The following ESRRG variants were observed in gnomAD, a reference collection of about 807,000 sequenced individuals.
The protein encoded by ESRRG is estrogen-related receptor gamma.
In ESRRG, 13 loss-of-function variants were observed where a neutral mutation model predicts 44.0. The ratio of observed to expected loss-of-function variants is 0.30; its 90% CI spans 0.19 to 0.47. ESRRG has a LOEUF of 0.47. Among genes scored for constraint, ESRRG ranks in the 20% least tolerant of loss-of-function variants. The pLI is 1.00. For missense variants in ESRRG, 395 were observed against 580.6 expected, an observed-to-expected ratio of 0.68 and a Z score of 3.29; for synonymous variants, 215 against 214.6, an observed-to-expected ratio of 1.00 and a Z score of -0.02.
Position 217,120,483 on chromosome 1 carries a change from G to A in ESRRG, c.-230+17184C>T, listed in dbSNP as rs550371398. Among the ~76,000 whole-genome samples, 24 of 150,612 alleles carry A rather than the reference G, an allele frequency of 1.6e-4. 1 individual carries two copies. The South Asian group carries it at 5.0e-3, about 32-fold the overall frequency. ...CTCTTCCAAAAAAAAAAAAAAATCTGATCATGTCTTCTCTATCTCATTTAA... is the reference window on the plus strand; with the variant it reads ...CTCTTCCAAAAAAAAAAAAAAATCTAATCATGTCTTCTCTATCTCATTTAA... On this transcript the variant is annotated intron_variant, in intron 1 of 8. Coordinates refer to the ESRRG transcript ENST00000366940.
intron 1 of ESRRG, among the ~76,000 whole-genome samples, chr1:217,025,679 AAC>A (rs1461911617): frequency 1.3e-5 from 2 of 152,146 alleles, no homozygotes; most frequent in Non-Finnish European, 2.9e-5. Flanking sequence ...TATGGGTCCA[AAC>A]ACAGCCCCTA....
intron 1 of ESRRG, among the ~76,000 whole-genome samples, chr1:217,007,585 G>A (rs1390350577): frequency 6.6e-6 from 1 of 152,108 alleles, no homozygotes; most frequent in African/African-American, 2.4e-5. Flanking sequence ...CTTCAGTCTT[G>A]TAAATATCAT....
chr1:216,972,559 C>T (rs775692295), intron 1 of ESRRG, among the ~76,000 whole-genome samples: 1 of 152,188 alleles, frequency 6.6e-6, no homozygotes, highest in Non-Finnish European at 1.5e-5. Flanking sequence ...GTCACATTGA[C>T]TCTGCTCATC....
At chr1:216,698,902 G>A (rs1272874844) in intron 1 of ESRRG, among the ~76,000 whole-genome samples, 1 of 152,176 alleles carries the variant, frequency 6.6e-6, no homozygotes, top group Non-Finnish European at 1.5e-5. Flanking sequence ...ACGCCCACAT[G>A]TACATATTTC....
At chr1:216,747,782 T>C (rs1414810737) in intron 2 of ESRRG, among the ~76,000 whole-genome samples, 1 of 152,174 alleles carries the variant, frequency 6.6e-6, no homozygotes, top group Admixed American at 6.5e-5. Flanking sequence ...TATTCAAACC[T>C]TAAAATATTA....
intron 3 of ESRRG, among the ~76,000 whole-genome samples, chr1:216,600,183 G>C (rs1174201170): frequency 6.6e-6 from 1 of 152,172 alleles, no homozygotes; most frequent in Non-Finnish European, 1.5e-5. Context: ...GCCGGGGGTT[G>C]GGGAAGGGAA....
At chr1:217,031,318 G>A (rs2082029232) in intron 1 of ESRRG, among the ~76,000 whole-genome samples, 1 of 152,156 alleles carries the variant, frequency 6.6e-6, no homozygotes, top group South Asian at 2.1e-4. Flanking sequence ...CATGCACTGA[G>A]AGAGAATTCC....
chr1:216,788,586 T>C (rs1284141732), intron 2 of ESRRG, among the ~76,000 whole-genome samples: 1 of 152,168 alleles, frequency 6.6e-6, no homozygotes, highest in African/African-American at 2.4e-5. Context: ...GTTGTCTTCA[T>C]GTCTGCCAAC....
At chr1:217,049,370 G>T (rs1432217588) in intron 1 of ESRRG, among the ~76,000 whole-genome samples, 1 of 152,134 alleles carries the variant, frequency 6.6e-6, no homozygotes, top group African/African-American at 2.4e-5. Context: ...CCATCTCACT[G>T]AATTGCTATC....
chr1:216,631,257 C>G (rs1169423401), intron 3 of ESRRG, among the ~76,000 whole-genome samples: 1 of 152,090 alleles, frequency 6.6e-6, no homozygotes, highest in Non-Finnish European at 1.5e-5. Flanking sequence ...GAAGTTGCTA[C>G]GTTCAAACTG....
At chr1:216,832,391 G>A (rs1429849771) in intron 2 of ESRRG, among the ~76,000 whole-genome samples, 1 of 152,148 alleles carries the variant, frequency 6.6e-6, no homozygotes, top group Non-Finnish European at 1.5e-5. Context: ...TCCGGTAGGT[G>A]GAGAACACTA....
chr1:217,035,239 G>A (rs962453801), intron 1 of ESRRG, among the ~76,000 whole-genome samples: 3 of 146,736 alleles, frequency 2.0e-5, no homozygotes, highest in African/African-American at 7.6e-5. Flanking sequence ...AAATCCCAGT[G>A]CTTTGGGAGG....
intron 1 of ESRRG, among the ~76,000 whole-genome samples, chr1:216,983,346 C>T (rs1254585710): frequency 6.6e-6 from 1 of 151,972 alleles, no homozygotes; most frequent in Non-Finnish European, 1.5e-5. Context: ...ATCCTCTGAC[C>T]TCAGCCTCCC....
chr1:216,969,309 G>A (rs548381378), intron 1 of ESRRG, among the ~76,000 whole-genome samples: 17 of 151,984 alleles, frequency 1.1e-4, no homozygotes, highest in East Asian at 5.8e-4. Flanking sequence ...TTAAGTATTC[G>A]ATGAATGAAT....
intron 6 of ESRRG, among the ~76,000 whole-genome samples, chr1:216,508,771 T>G (rs967118881): frequency 1.3e-5 from 2 of 152,204 alleles, no homozygotes; most frequent in African/African-American, 4.8e-5. Context: ...CTCTCTATTT[T>G]TGCACTTAAA....
At chr1:216,903,471 G>A (rs1384184694) in intron 2 of ESRRG, among the ~76,000 whole-genome samples, 1 of 151,484 alleles carries the variant, frequency 6.6e-6, no homozygotes, top group Non-Finnish European at 1.5e-5. Context: ...GGGGACTATG[G>A]AGGAAAGAAT....
At chr1:216,843,328 C>A (rs2576258) in intron 2 of ESRRG, among the ~76,000 whole-genome samples, 111,402 of 151,848 alleles carry the variant, frequency 0.73, 41,198 homozygotes, top group African/African-American at 0.81. Flanking sequence ...ACCTTTTTTC[C>A]ACAGGGCTCT....
At chr1:216,982,564 G>A (rs2074137863) in intron 1 of ESRRG, among the ~76,000 whole-genome samples, 1 of 152,108 alleles carries the variant, frequency 6.6e-6, no homozygotes, top group South Asian at 2.1e-4. Flanking sequence ...CAGAGCTATG[G>A]TTTTATAAAA....
intron 1 of ESRRG, among the ~76,000 whole-genome samples, chr1:216,965,822 C>T (rs1166035752): frequency 6.6e-6 from 1 of 152,264 alleles, no homozygotes; most frequent in Admixed American, 6.5e-5. Context: ...TGTCATGTTG[C>T]CATGGTCTGG....
Sources: gnomAD v4.1 joint callset for allele counts (sites outside exome capture counted in the v4.1 genomes callset) on GRCh38, gnomAD v4.1.1 for gene constraint, MANE v1.5 for transcripts, NCBI Gene and HGNC (gene_info 2026-07-23, HGNC 2026-07-21) for gene names.